Variants in ZFAND3 observed in about 807,000 individuals in gnomAD.
ZFAND3 encodes AN1-type zinc finger protein 3.
In ZFAND3, 10 loss-of-function variants were observed where a neutral mutation model predicts 29.6. That is an observed-to-expected ratio of 0.34 (90% CI 0.21 to 0.57). The LOEUF (loss-of-function observed/expected upper bound fraction) is 0.57, where lower values mean the gene tolerates loss of function less well. ZFAND3 is among the 20% of genes least tolerant of loss of function. The pLI, the probability that ZFAND3 is intolerant of heterozygous loss-of-function variation, is 0.86. For synonymous variants in ZFAND3, 128 were observed against 112.6 expected, an observed-to-expected ratio of 1.14 and a Z score of -0.87; for missense variants, 230 against 304.5, an observed-to-expected ratio of 0.76 and a Z score of 1.82.
chr6:37,924,572 C>T (rs1394649730), intron 1 of ZFAND3, among the ~76,000 whole-genome samples: 3 of 152,042 alleles, frequency 2.0e-5, no homozygotes, highest in African/African-American at 7.2e-5. Context: ...TTGTAGCTCA[C>T]ACCTGTAATC....
At chr6:37,911,704 A>C (rs1459332607) in intron 1 of ZFAND3, among the ~76,000 whole-genome samples, 1 of 152,212 alleles carries the variant, frequency 6.6e-6, no homozygotes, top group Admixed American at 6.5e-5. Flanking sequence ...TATCTACAGT[A>C]ACAGAACAGG....
At chr6:37,996,092 G>C (rs1289097377) in intron 2 of ZFAND3, among the ~76,000 whole-genome samples, 1 of 150,750 alleles carries the variant, frequency 6.6e-6, no homozygotes, top group Non-Finnish European at 1.5e-5. Context: ...TCACACCACT[G>C]TACTCCAGCC....
intron 5 of ZFAND3, among the ~76,000 whole-genome samples, chr6:38,131,163 T>G (rs1182196434): frequency 1.3e-5 from 2 of 152,228 alleles, no homozygotes; most frequent in Non-Finnish European, 1.5e-5. Flanking sequence ...TCTCTTCCGT[T>G]TCATTTCTTA....
At chr6:37,820,927 C>T (rs1052978398) in intron 1 of ZFAND3, among the ~76,000 whole-genome samples, 2 of 152,196 alleles carry the variant, frequency 1.3e-5, no homozygotes, top group African/African-American at 4.8e-5. Flanking sequence ...TAACAGGTGC[C>T]TCCATCATAC....
At chr6:38,119,683 C>G (rs923404282) in intron 5 of ZFAND3, among the ~76,000 whole-genome samples, 1 of 152,228 alleles carries the variant, frequency 6.6e-6, no homozygotes, top group Non-Finnish European at 1.5e-5. Flanking sequence ...AGTGGCCAAG[C>G]TCCCCTGAAT....
intron 2 of ZFAND3, among the ~76,000 whole-genome samples, chr6:38,050,555 T>C (rs1264081358): frequency 6.6e-6 from 1 of 152,174 alleles, no homozygotes; most frequent in African/African-American, 2.4e-5. Flanking sequence ...AACTTTTCCC[T>C]GTTTGCTTGG....
At chr6:37,901,702 G>A (rs1207612687) in intron 1 of ZFAND3, among the ~76,000 whole-genome samples, 1 of 152,198 alleles carries the variant, frequency 6.6e-6, no homozygotes, top group African/African-American at 2.4e-5. Context: ...TTTCAGTTAA[G>A]CCTTTTAGAG....
intron 4 of ZFAND3, among the ~76,000 whole-genome samples, chr6:38,097,480 A>G (rs1325648478): frequency 6.6e-6 from 1 of 152,090 alleles, no homozygotes; most frequent in Non-Finnish European, 1.5e-5. Flanking sequence ...AACTGGCAGA[A>G]TTAGTGGTAA....
chr6:37,993,169 G>T (rs1762789169), intron 2 of ZFAND3, among the ~76,000 whole-genome samples: 2 of 151,538 alleles, frequency 1.3e-5, no homozygotes, highest in African/African-American at 2.4e-5. Context: ...GTTAAGAAGT[G>T]TCTTTTTAAT....
At chr6:38,080,611 C>G (rs1764643260) in intron 3 of ZFAND3, among the ~76,000 whole-genome samples, 1 of 152,014 alleles carries the variant, frequency 6.6e-6, no homozygotes. Context: ...ATCACTTATC[C>G]AAGATTACTC....
At chr6:38,006,907 CA>C (rs1763060510) in intron 2 of ZFAND3, among the ~76,000 whole-genome samples, 2 of 151,988 alleles carry the variant, frequency 1.3e-5, no homozygotes, top group African/African-American at 4.8e-5. Flanking sequence ...TAAAAAGGGC[CA>C]CAAGTGGTTC....
chr6:38,034,257 C>T (rs1235479878), intron 2 of ZFAND3, among the ~76,000 whole-genome samples: 1 of 152,134 alleles, frequency 6.6e-6, no homozygotes, highest in Admixed American at 6.6e-5. Flanking sequence ...ACCTTCTCCA[C>T]CTCTACTCCA....
chr6:38,002,406 T>A (rs1180510234), intron 2 of ZFAND3, among the ~76,000 whole-genome samples: 1 of 152,024 alleles, frequency 6.6e-6, no homozygotes, highest in Non-Finnish European at 1.5e-5. Context: ...AGGCCAGTTA[T>A]GTTGGCTCAC....
chr6:37,881,489 T>G (rs549202105), intron 1 of ZFAND3, among the ~76,000 whole-genome samples: 1 of 152,276 alleles, frequency 6.6e-6, no homozygotes, highest in East Asian at 1.9e-4. Flanking sequence ...GTCTTTCTGC[T>G]TAGGCCAGCA....
intron 2 of ZFAND3, among the ~76,000 whole-genome samples, chr6:37,961,569 T>C (rs985647079): frequency 1.6e-4 from 24 of 152,218 alleles, no homozygotes; most frequent in Non-Finnish European, 2.6e-4. Flanking sequence ...CTATGCTGGC[T>C]TCAGGTTTGA....
chr6:37,910,632 A>G (rs1051323678), intron 1 of ZFAND3, among the ~76,000 whole-genome samples: 5 of 152,294 alleles, frequency 3.3e-5, no homozygotes, highest in African/African-American at 1.2e-4. Context: ...GCAATTTTCA[A>G]GTATACAATA....
chr6:38,020,253 T>C (rs1211156918), intron 2 of ZFAND3, among the ~76,000 whole-genome samples: 2 of 152,246 alleles, frequency 1.3e-5, no homozygotes, highest in South Asian at 2.1e-4. Flanking sequence ...TATATATTAA[T>C]TATATTCTTA....
intron 5 of ZFAND3, among the ~76,000 whole-genome samples, chr6:38,128,779 A>C (rs146067119): frequency 6.6e-6 from 1 of 152,138 alleles, no homozygotes; most frequent in Non-Finnish European, 1.5e-5. Context: ...CGTTTTTGCA[A>C]TTGCAAATTG....
At position 38,047,684 on chromosome 6, in the gene ZFAND3, T is replaced by C. The variant is rs150037868; in HGVS notation, c.113-13909T>C. Among the ~76,000 whole-genome samples the C allele has an allele frequency of 1.5e-3, 228 of 152,294 alleles. 2 individuals carry two copies. The highest frequency in any genetic ancestry group is 2.6e-3 in the Non-Finnish European group (176 of 68,016). On this transcript the variant is annotated intron_variant, in intron 2 of 5. Coordinates refer to ENST00000287218, the MANE Select transcript of ZFAND3 (RefSeq NM_021943.3). ...ATTTGGCTTTTATGACCAGAAACTTTAAGAGCTGTTAGGTGGTTCCATTTC... is the reference window on the plus strand; with the variant it reads ...ATTTGGCTTTTATGACCAGAAACTTCAAGAGCTGTTAGGTGGTTCCATTTC...
Sources: allele counts gnomAD v4.1 joint callset (sites outside exome capture counted in the v4.1 genomes callset), GRCh38; gene constraint gnomAD v4.1.1; transcripts MANE v1.5; gene names NCBI Gene and HGNC (gene_info 2026-07-23, HGNC 2026-07-21).